Variants in SHROOM4 observed in about 807,000 individuals in gnomAD.
SHROOM4 encodes the protein shroom family member 4, also known as protein Shroom4.
Under a neutral mutation model 80.3 loss-of-function variants are expected in SHROOM4, and 17 were observed. The observed-to-expected ratio is 0.21, with a 90% CI of 0.14 to 0.32. The LOEUF (loss-of-function observed/expected upper bound fraction) is 0.32, where lower values mean the gene tolerates loss of function less well. Ranked by LOEUF, SHROOM4 falls within the 10% of genes least tolerant of loss-of-function variation. The pLI is 1.00. For synonymous variants in SHROOM4, 400 were observed against 437.5 expected, an observed-to-expected ratio of 0.91 and a Z score of 1.07; for missense variants, 993 against 1,140.3, an observed-to-expected ratio of 0.87 and a Z score of 1.86.
chrX:50,756,148 C>T (rs1557268371), intron 1 of SHROOM4, among the ~76,000 whole-genome samples: 1 of 111,331 alleles, frequency 9.0e-6, no homozygotes, highest in Non-Finnish European at 1.9e-5. Flanking sequence ...ATATTCAGTC[C>T]CCATTCCTAA....
At chrX:50,672,222 T>C (rs1449719857) in intron 2 of SHROOM4, among the ~76,000 whole-genome samples, 1 of 111,898 alleles carries the variant, frequency 8.9e-6, no homozygotes, top group African/African-American at 3.2e-5. Flanking sequence ...ACAAATATGA[T>C]AGTAATGAAA....
chrX:50,668,201 G>T (rs189718315), intron 2 of SHROOM4, among the ~76,000 whole-genome samples: 107 of 112,123 alleles, frequency 9.5e-4, no homozygotes, highest in South Asian at 4.2e-3. Context: ...ATAGGCATCC[G>T]CTCCCCGCTT....
intron 1 of SHROOM4, among the ~76,000 whole-genome samples, chrX:50,776,044 C>T (rs1254914613): frequency 8.9e-6 from 1 of 111,859 alleles, no homozygotes; most frequent in Non-Finnish European, 1.9e-5. Context: ...AAGAGCACTT[C>T]CAGCCTTTGA....
intron 1 of SHROOM4, among the ~76,000 whole-genome samples, chrX:50,761,586 G>A (rs539666593): frequency 2.7e-5 from 3 of 109,876 alleles, no homozygotes; most frequent in Non-Finnish European, 5.7e-5. Flanking sequence ...TTTTTGAGAC[G>A]GAGTCTCGCT....
At chrX:50,776,680 T>G (rs1935517349) in intron 1 of SHROOM4, among the ~76,000 whole-genome samples, 1 of 110,529 alleles carries the variant, frequency 9.0e-6, no homozygotes, top group African/African-American at 3.3e-5. Flanking sequence ...CTCTAAAGAC[T>G]TTTTTTCTTT....
Position 50,695,851 on chromosome X carries a change from G to C in SHROOM4, c.204C>G (p.Gly68=), listed in dbSNP as rs1557263008. The C allele has an allele frequency of 5.0e-6, 6 of 1,209,786 alleles. No homozygotes were observed. The highest frequency in any genetic ancestry group is 6.7e-6 in the Non-Finnish European group (6 of 894,768). Residue 68 remains glycine (G), a synonymous_variant, in exon 2 of 9, where the codon GGC becomes GGG. Transcript: ENST00000376020. Reference sequence around the variant, plus strand: ...TGAGAATGAGGGCCTCTTGGCGGGAGCCATATAATGGAGTGCCATTGATAT... The same window carrying C: ...TGAGAATGAGGGCCTCTTGGCGGGACCCATATAATGGAGTGCCATTGATAT... ...LVNINGTPLY[G]SRQEALILIK...
At chrX:50,790,254 A>T (rs1456356051) in intron 1 of SHROOM4, among the ~76,000 whole-genome samples, 2 of 111,524 alleles carry the variant, frequency 1.8e-5, no homozygotes, top group African/African-American at 6.5e-5. Context: ...GTCACAAAGA[A>T]ATAGAAAAAA....
intron 5 of SHROOM4, among the ~76,000 whole-genome samples, chrX:50,620,043 A>ACAT (rs1557251725): frequency 9.0e-6 from 1 of 111,484 alleles, no homozygotes; most frequent in East Asian, 2.8e-4. Flanking sequence ...CTGGTAAGTA[A>ACAT]CATTGTCTGT....
At chrX:50,760,722 T>C (rs1344445681) in intron 1 of SHROOM4, among the ~76,000 whole-genome samples, 1 of 111,984 alleles carries the variant, frequency 8.9e-6, no homozygotes, top group African/African-American at 3.2e-5. Context: ...TTACATGGTA[T>C]ATCTTTCTCT....
intron 2 of SHROOM4, among the ~76,000 whole-genome samples, chrX:50,664,083 C>G (rs1386006821): frequency 2.7e-5 from 3 of 112,099 alleles, no homozygotes; most frequent in Non-Finnish European, 3.8e-5. Flanking sequence ...TGACTATGTA[C>G]CCAGTATCAG....
intron 1 of SHROOM4, among the ~76,000 whole-genome samples, chrX:50,802,377 G>T (rs1557272683): frequency 9.0e-6 from 1 of 111,656 alleles, no homozygotes; most frequent in Non-Finnish European, 1.9e-5. Flanking sequence ...CTTTTTGATT[G>T]GCCTACAGAC....
chrX:50,811,735 T>C (rs1557273467), intron 1 of SHROOM4, among the ~76,000 whole-genome samples: 1 of 111,911 alleles, frequency 8.9e-6, no homozygotes. Flanking sequence ...AACCCAGTTA[T>C]AACTGACTTT....
intron 2 of SHROOM4, among the ~76,000 whole-genome samples, chrX:50,677,044 T>C (rs781931919): frequency 1.8e-5 from 2 of 111,750 alleles, no homozygotes; most frequent in Non-Finnish European, 3.8e-5. Flanking sequence ...GGACAAAGAA[T>C]GGTGGAAGGA....
chrX:50,738,458 A>G (rs1324135677), intron 1 of SHROOM4, among the ~76,000 whole-genome samples: 6 of 111,704 alleles, frequency 5.4e-5, no homozygotes, highest in Non-Finnish European at 9.4e-5. Context: ...ATCTCCTTAA[A>G]CTGATAAGCA....
chrX:50,642,146 C>T, intron 2 of SHROOM4, among the ~76,000 whole-genome samples: 1 of 112,618 alleles, frequency 8.9e-6, no homozygotes, highest in Non-Finnish European at 1.9e-5. Flanking sequence ...TAGCCCTAGA[C>T]TTGAAGTCAG....
the SHROOM4 span, among the ~76,000 whole-genome samples, chrX:50,577,907 C>A: frequency 9.0e-6 from 1 of 111,698 alleles, no homozygotes; most frequent in Non-Finnish European, 1.9e-5. Flanking sequence ...TGATACCCCC[C>A]CAGCACTGCT....
chrX:50,796,463 A>G (rs139944220), intron 1 of SHROOM4, among the ~76,000 whole-genome samples: 1 of 111,566 alleles, frequency 9.0e-6, no homozygotes, highest in East Asian at 2.8e-4. Flanking sequence ...GACACTGGGA[A>G]GATTTCTGGT....
At chrX:50,773,664 C>T (rs192336552) in intron 1 of SHROOM4, among the ~76,000 whole-genome samples, 57 of 111,787 alleles carry the variant, frequency 5.1e-4, no homozygotes, top group African/African-American at 1.8e-3. Context: ...ATAAATGATG[C>T]CTTAATATAC....
chrX:50,625,580 T>C (rs1557252888), intron 5 of SHROOM4, among the ~76,000 whole-genome samples: 1 of 111,493 alleles, frequency 9.0e-6, no homozygotes, highest in Non-Finnish European at 1.9e-5. Context: ...ATATTGTTTT[T>C]ACAATAAACA....
Sources: gnomAD v4.1 joint callset for allele counts (sites outside exome capture counted in the v4.1 genomes callset) on GRCh38, gnomAD v4.1.1 for gene constraint, MANE v1.5 for transcripts, NCBI Gene and HGNC (gene_info 2026-07-23, HGNC 2026-07-21) for gene names.